Variants in FOXI1 observed in about 807,000 individuals in gnomAD.
The protein encoded by FOXI1 is forkhead box I1.
FOXI1 carries 11 observed loss-of-function variants against 16.4 expected under a neutral mutation model. The ratio of observed to expected loss-of-function variants is 0.67; its 90% CI spans 0.42 to 1.11. The LOEUF is 1.11. Among genes scored for constraint, FOXI1 ranks in the 50% least tolerant of loss-of-function variants. The pLI, the probability that FOXI1 is intolerant of heterozygous loss-of-function variation, is 0.00. For synonymous variants in FOXI1, 218 were observed against 211.5 expected (o/e 1.03, Z -0.27); for missense variants, 480 against 506.1 (o/e 0.95, Z 0.49).
Position 170,109,464 on chromosome 5 carries a change from T to G in FOXI1, c.*853T>G, listed in dbSNP as rs1758600750. 1 of 152,214 alleles carries G rather than the reference T, an allele frequency of 6.6e-6. No individual in the cohort carries two copies. Among genetic ancestry groups the G allele is most frequent in the Non-Finnish European group, 1.5e-5 (1 of 68,056 alleles). The allele number at this position is 152,214 out of a possible 1,614,324, so 9.4% of individuals were successfully genotyped here. ...CTGTAAAATCTTGTAAAGCCCAGTTTCCTGTGTGCATGTCATGGACCAGTG... is the reference window on the plus strand; with the variant it reads ...CTGTAAAATCTTGTAAAGCCCAGTTGCCTGTGTGCATGTCATGGACCAGTG... On this transcript the variant is annotated 3_prime_UTR_variant, in exon 2 of 2. Coordinates refer to ENST00000306268, the MANE Select transcript of FOXI1 (RefSeq NM_012188.5).
rs1477210132 is a variant in FOXI1 at position 170,108,714 on chromosome 5, C to CATAA, written c.*104_*107dup. On this transcript the variant is annotated 3_prime_UTR_variant, in exon 2 of 2. Transcript: ENST00000306268. ...GTCCATGACTGCGGAACTGCCCAGA[C>CATAA]ATAAGCAGGAGCCTCCGAGGAATCC... is the stretch of plus-strand genomic sequence containing the variant. 1.1e-6 allele frequency: 1 copy of CATAA among 905,288 alleles called. No homozygotes were observed. The highest frequency in any genetic ancestry group is 1.6e-5 in the African/African-American group (1 of 61,332). The allele number at this position is 905,288 out of a possible 1,614,324, so 56.1% of individuals were successfully genotyped here. A position where few individuals can be genotyped will look rare whatever the true frequency, so the allele number is the denominator to read the frequency against.
Position 170,105,986 on chromosome 5 carries a change from C to A in FOXI1, c.29C>A (p.Ser10Tyr). 1 of 1,611,468 alleles carries A rather than the reference C, an allele frequency of 6.2e-7. No individual in the cohort carries two copies. The highest frequency in any genetic ancestry group is 8.5e-7 in the Non-Finnish European group (1 of 1,178,238). The change falls in exon 1 of 2, where the codon TCC (serine) becomes TAC (tyrosine). Residue 10 changes from serine (S) to tyrosine (Y), a missense_variant. Around this residue, in one of 3 missense-constraint regions of FOXI1, gnomAD observed 219 missense variants for 222.9 expected, o/e 0.98. Coordinates refer to ENST00000306268, the MANE Select transcript of FOXI1 (RefSeq NM_012188.5). ...AGCTCCTTCGACCTGCCGGCGCCCT[C>A]CCCACCTCGCTGCAGCCCCCAGTTC... MSSFDLPAP[S>Y]PPRCSPQFPS...
chr5:170,108,470 C>A lies in FOXI1; in HGVS notation c.996C>A (p.Ser332Arg), dbSNP rs559100797. 2.5e-6 allele frequency: 4 copies of A among 1,601,770 alleles called. No homozygotes were observed. Among genetic ancestry groups the A allele is most frequent in the Non-Finnish European group, 1.7e-6 (2 of 1,172,216 alleles). ...FSPLTNLSNH[S>R]GGGDWANPMP... ...CGCTCACCAACCTCAGCAACCACAG[C>A]GGTGGGGGTGACTGGGCGAACCCCA... is the stretch of plus-strand genomic sequence containing the variant. Residue 332 changes from serine (S) to arginine (R), a missense_variant, in exon 2 of 2, where the codon AGC (serine) becomes AGA (arginine). Ser to Arg is a moderately radical substitution (Grantham distance 110, BLOSUM62 -1). This residue lies in a region of FOXI1 where 257 missense variants were observed against 262.2 expected (regional missense o/e 0.98). Transcript: ENST00000306268.
At chr5:170,106,861 A>G (rs1487527187) in intron 1 of FOXI1, 1 of 347,494 alleles carries the variant, frequency 2.9e-6, no homozygotes, top group Non-Finnish European at 4.1e-6. Flanking sequence ...ACAAGGTTTT[A>G]GGTGTTATCA....
In FOXI1 at chr5:170,106,542, T is replaced by G; in HGVS notation, c.574+11T>G. Reference sequence around the variant, plus strand: ...ACGAGGACGACCCGGGTAAGGAGGCTTTGAGTGTGGGGGGTGTCCCCAAGG... The same window carrying G: ...ACGAGGACGACCCGGGTAAGGAGGCGTTGAGTGTGGGGGGTGTCCCCAAGG... On this transcript the variant is annotated intron_variant, in intron 1 of 1. Coordinates refer to ENST00000306268, the MANE Select transcript of FOXI1 (RefSeq NM_012188.5). 1 of 1,614,154 alleles carries G rather than the reference T, an allele frequency of 6.2e-7. No homozygotes were observed. Among genetic ancestry groups the G allele is most frequent in the South Asian group, 1.1e-5 (1 of 91,076 alleles).
intron 1 of FOXI1, among the ~76,000 whole-genome samples, chr5:170,107,789 A>G (rs1034830522): frequency 6.6e-6 from 1 of 152,184 alleles, no homozygotes; most frequent in African/African-American, 2.4e-5. Context: ...CATCCTTCTT[A>G]AAGAGACCTA....
At chr5:170,107,849 C>T (rs1272995730) in intron 1 of FOXI1, among the ~76,000 whole-genome samples, 200 bp from the exon 2 acceptor site, 2 of 152,224 alleles carry the variant, frequency 1.3e-5, no homozygotes, top group Non-Finnish European at 2.9e-5. Flanking sequence ...TCCCAAAGGG[C>T]CCTGTCATGG....
In FOXI1 at chr5:170,106,319, TG is replaced by T; in HGVS notation, c.364del (p.Val122CysfsTer110). The T allele has an allele frequency of 6.3e-7, 1 of 1,597,332 alleles. No homozygotes were observed. The highest frequency in any genetic ancestry group is 8.5e-7 in the Non-Finnish European group (1 of 1,171,874). On this transcript the variant is annotated frameshift_variant, in exon 1 of 2. Transcript: ENST00000306268. LOFTEE classifies it high-confidence loss of function. ...CCCTCGCAGGAGGAGCTGATGAAGC[TG>T]GTGCGGCCACCCTATTCCTACTCGG... ...PIPSQEELMK[L>X]VRPPYSYSAL...
intron 1 of FOXI1, chr5:170,106,883 G>A (rs571541915): frequency 2.0e-5 from 11 of 563,720 alleles, no homozygotes; most frequent in African/African-American, 1.0e-4. Flanking sequence ...GCGCTTAATC[G>A]CCTGCAGTAA....
At position 170,105,970 on chromosome 5, in the gene FOXI1, G is replaced by A. The variant is rs779571186; in HGVS notation, c.13G>A (p.Asp5Asn). Residue 5 changes from aspartate (D) to asparagine (N), a missense_variant, in exon 1 of 2, where the codon GAC becomes AAC. Coordinates refer to ENST00000306268, the MANE Select transcript of FOXI1 (RefSeq NM_012188.5). ...GCCCAGCCCCAGCATGAGCTCCTTC[G>A]ACCTGCCGGCGCCCTCCCCACCTCG... The part of the protein sequence containing the change: MSSF[D>N]LPAPSPPRCS... The A allele has an allele frequency of 1.4e-5, 23 of 1,610,192 alleles. No homozygotes were observed. Among genetic ancestry groups the A allele is most frequent in the Admixed American group, 5.0e-5 (3 of 59,828 alleles).
rs533523592 is a variant in FOXI1 at position 170,109,556 on chromosome 5, G to A, written c.*945G>A. ...TAAGCGCTTCCTTTTTTTTAGCCCAGGAGAGGTGGATGTTTGTCTGAGAAA... is the reference window on the plus strand; with the variant it reads ...TAAGCGCTTCCTTTTTTTTAGCCCAAGAGAGGTGGATGTTTGTCTGAGAAA... On this transcript the variant is annotated 3_prime_UTR_variant, in exon 2 of 2. Coordinates refer to ENST00000306268, the MANE Select transcript of FOXI1 (RefSeq NM_012188.5). The A allele has an allele frequency of 2.6e-5, 4 of 152,128 alleles. No individual in the cohort carries two copies. The highest frequency in any genetic ancestry group is 9.6e-5 in the African/African-American group (4 of 41,472). The allele number at this position is 152,128 out of a possible 1,614,324, so 9.4% of individuals were successfully genotyped here. A position where few individuals can be genotyped will look rare whatever the true frequency, so the allele number is the denominator to read the frequency against.
rs147596900 is a variant in FOXI1, at chr5:170,108,299, C to T, written c.825C>T (p.Ala275=). 1,085 of 1,614,156 alleles carry T rather than the reference C, an allele frequency of 6.7e-4. 14 individuals are homozygous for T. The Middle Eastern group carries it at 0.02, about 29-fold the overall frequency. ...EKRPSPPPSG[A]PCLNSFLSSM... The stretch of plus-strand genomic sequence containing the variant: ...GGCCCTCCCCTCCCCCATCAGGCGC[C>T]CCTTGCCTTAACAGCTTCCTTTCCT... Residue 275 remains alanine, a synonymous_variant, in exon 2 of 2, where the codon GCC becomes GCT. Coordinates refer to ENST00000306268, the MANE Select transcript of FOXI1 (RefSeq NM_012188.5).
In FOXI1 at chr5:170,106,088, C is replaced by T. The variant is rs142009641; in HGVS notation, c.131C>T (p.Pro44Leu). 298 of 1,613,486 alleles carry T rather than the reference C, an allele frequency of 1.8e-4. 1 individual carries two copies. In the African/African-American group the frequency reaches 3.6e-3, roughly 20 times the overall value. ...TTCCACCCACAGGGCGTGCCCAGCC[C>T]TCAGCGGCCCTCCTTCGAGGGGGGC... Reference protein sequence around the residue: ...NFFHPQGVPSPQRPSFEGGGE... With the variant: ...NFFHPQGVPSLQRPSFEGGGE... Residue 44 changes from proline (P) to leucine (L), a missense_variant, in exon 1 of 2, where the codon CCT becomes CTT. This residue lies in a region of FOXI1 where 219 missense variants were observed against 222.9 expected (regional missense o/e 0.98). Transcript: ENST00000306268.
rs1401838548 is a variant in FOXI1, at chr5:170,106,269, G to C, written c.312G>C (p.Gly104=). ...PLLPSVSGLG[G]SDLGWLPIPS... is the part of the protein sequence containing the mutation. ...TGCCCAGCGTGTCGGGGCTTGGGGGGAGCGACCTGGGCTGGCTGCCCATCC... is the reference window on the plus strand; with the variant it reads ...TGCCCAGCGTGTCGGGGCTTGGGGGCAGCGACCTGGGCTGGCTGCCCATCC... The change falls in exon 1 of 2, where the codon GGG becomes GGC. Residue 104 remains glycine (G), a synonymous_variant. Coordinates refer to ENST00000306268, the MANE Select transcript of FOXI1 (RefSeq NM_012188.5). The C allele has an allele frequency of 3.2e-6, 5 of 1,580,250 alleles. No individual in the cohort carries two copies. Among genetic ancestry groups the C allele is most frequent in the Non-Finnish European group, 4.3e-6 (5 of 1,163,224 alleles).
At chr5:170,106,629 C>T (rs1581592943) in intron 1 of FOXI1, 98 bp downstream of exon 1, 1 of 1,525,262 alleles carries the variant, frequency 6.6e-7, no homozygotes, top group South Asian at 1.2e-5. Context: ...GGCTGTGCCC[C>T]CCAAGACTGG....
Position 170,106,242 on chromosome 5 carries a change from G to A in FOXI1, c.285G>A (p.Leu95=), listed in dbSNP as rs1359219061. Reference sequence around the variant, plus strand: ...AGGCCTATGGAGTGCAGAGGCCGCTGCTGCCCAGCGTGTCGGGGCTTGGGG... The same window carrying A: ...AGGCCTATGGAGTGCAGAGGCCGCTACTGCCCAGCGTGTCGGGGCTTGGGG... ...LPQAYGVQRP[L]LPSVSGLGGS... Residue 95 remains leucine, a synonymous_variant, in exon 1 of 2, where the codon CTG becomes CTA. Coordinates refer to ENST00000306268, the MANE Select transcript of FOXI1 (RefSeq NM_012188.5). The A allele has an allele frequency of 6.3e-7, 1 of 1,579,516 alleles. No homozygotes were observed. Among genetic ancestry groups the A allele is most frequent in the Non-Finnish European group, 8.6e-7 (1 of 1,162,480 alleles).
Position 170,105,932 on chromosome 5 carries a change from G to C in FOXI1, c.-26G>C. 6.4e-7 allele frequency: 1 copy of C among 1,564,636 alleles called. No homozygotes were observed. The highest frequency in any genetic ancestry group is 8.8e-7 in the Non-Finnish European group (1 of 1,138,968). Reference sequence around the variant, plus strand: ...GCTCCGGGGTGCAGGTGCCAGGCAGGTGGCTCCGGCCAGCCCAGCCCCAGC... The same window carrying C: ...GCTCCGGGGTGCAGGTGCCAGGCAGCTGGCTCCGGCCAGCCCAGCCCCAGC... On this transcript the variant is annotated 5_prime_UTR_variant, in exon 1 of 2. Transcript: ENST00000306268.
At position 170,109,375 on chromosome 5, in the gene FOXI1, G is replaced by C. The variant is rs765932799; in HGVS notation, c.*764G>C. On this transcript the variant is annotated 3_prime_UTR_variant, in exon 2 of 2. Coordinates refer to ENST00000306268, the MANE Select transcript of FOXI1 (RefSeq NM_012188.5). Reference sequence around the variant, plus strand: ...CCCAGCCCTCCAGAAACCTTGAGCAGATCCAGGGATCAGTGAGAGGAGTGG... The same window carrying C: ...CCCAGCCCTCCAGAAACCTTGAGCACATCCAGGGATCAGTGAGAGGAGTGG... 1 of 152,326 alleles carries C rather than the reference G, an allele frequency of 6.6e-6. No individual in the cohort carries two copies. The highest frequency in any genetic ancestry group is 1.5e-5 in the Non-Finnish European group (1 of 68,136). The allele number at this position is 152,326 out of a possible 1,614,324, so 9.4% of individuals were successfully genotyped here. A position where few individuals can be genotyped will look rare whatever the true frequency, so the allele number is the denominator to read the frequency against.
chr5:170,106,905 C>A, intron 1 of FOXI1: 1 of 788,994 alleles, frequency 1.3e-6, no homozygotes, highest in Non-Finnish European at 1.5e-6. Context: ...TACGATTCAT[C>A]TGCATCTCCA....
Sources: gnomAD v4.1 joint callset for allele counts (sites outside exome capture counted in the v4.1 genomes callset) on GRCh38, gnomAD v4.1.1 for gene constraint, gnomAD v4.1.1 regional missense constraint, MANE v1.5 for transcripts, NCBI Gene and HGNC (gene_info 2026-07-23, HGNC 2026-07-21) for gene names.